Variants in SLC28A1 observed in about 807,000 individuals in gnomAD.
The protein encoded by SLC28A1 is solute carrier family 28 member 1.
A neutral mutation model predicts 74.8 loss-of-function variants in SLC28A1; 64 were observed. The ratio of observed to expected loss-of-function variants is 0.86; its 90% CI spans 0.70 to 1.05. The LOEUF is 1.05. SLC28A1 is among the 50% of genes least tolerant of loss of function. SLC28A1 has a pLI of 0.00. For missense variants in SLC28A1, 828 were observed against 822.8 expected (o/e 1.01, Z -0.08); for synonymous variants, 359 against 335.0 (o/e 1.07, Z -0.78).
At chr15:84,912,105 A>C (rs1968345330) in intron 9 of SLC28A1, among the ~76,000 whole-genome samples, 1 of 152,152 alleles carries the variant, frequency 6.6e-6, no homozygotes, top group Non-Finnish European at 1.5e-5. Context: ...AGGAAAGAGG[A>C]AGGAGGACTA....
intron 15 of SLC28A1, among the ~76,000 whole-genome samples, chr15:84,943,162 G>C (rs977499508): frequency 1.3e-5 from 2 of 152,162 alleles, no homozygotes; most frequent in Admixed American, 6.5e-5. Flanking sequence ...CTCCAGCCTG[G>C]GTGACAAGAG....
intron 13 of SLC28A1, 103 bp from the exon 14 acceptor site, chr15:84,934,923 C>T: frequency 1.0e-6 from 1 of 996,622 alleles, no homozygotes; most frequent in Non-Finnish European, 1.6e-6. Flanking sequence ...GGATTTCCCG[C>T]TCTGAAATGC....
the SLC28A1 span, among the ~76,000 whole-genome samples, chr15:84,968,698 T>C: frequency 3.9e-5 from 6 of 152,250 alleles, no homozygotes; most frequent in African/African-American, 9.6e-5. Flanking sequence ...AATGACCTAA[T>C]TGAGCTGTGG....
chr15:84,966,196 G>A, the SLC28A1 span, among the ~76,000 whole-genome samples: 2 of 152,110 alleles, frequency 1.3e-5, no homozygotes, highest in Admixed American at 6.5e-5. Flanking sequence ...TTCTGCCTCA[G>A]CCTCCTGAGT....
intron 6 of SLC28A1, among the ~76,000 whole-genome samples, chr15:84,902,554 A>T (rs1332489576): frequency 1.3e-5 from 2 of 152,076 alleles, no homozygotes; most frequent in Admixed American, 6.5e-5. Context: ...GAGGGAGGCA[A>T]GGATTACTAA....
At chr15:84,967,915 C>A in the SLC28A1 span, among the ~76,000 whole-genome samples, 1 of 152,218 alleles carries the variant, frequency 6.6e-6, no homozygotes, top group South Asian at 2.1e-4. Flanking sequence ...GCACTAGACG[C>A]ACTTCAGAGG....
the SLC28A1 span, among the ~76,000 whole-genome samples, chr15:84,973,280 C>A: frequency 2.0e-5 from 3 of 152,108 alleles, no homozygotes; most frequent in African/African-American, 7.2e-5. Context: ...CTAGTCCAGG[C>A]GGGATATTTT....
chr15:84,963,177 A>G, the SLC28A1 span, among the ~76,000 whole-genome samples: 1 of 152,152 alleles, frequency 6.6e-6, no homozygotes, highest in African/African-American at 2.4e-5. Context: ...TTGAATTAGA[A>G]AAAATCAAGA....
At chr15:84,892,283 T>A (rs1965451975) in intron 5 of SLC28A1, among the ~76,000 whole-genome samples, 1 of 152,038 alleles carries the variant, frequency 6.6e-6, no homozygotes, top group Non-Finnish European at 1.5e-5. Flanking sequence ...GGAGGGGCAG[T>A]GAGAGAGGCG....
chr15:84,962,344 G>C, the SLC28A1 span, among the ~76,000 whole-genome samples: 1 of 152,108 alleles, frequency 6.6e-6, no homozygotes, highest in African/African-American at 2.4e-5. Flanking sequence ...AAAGTATTAG[G>C]ATTATAGGTG....
chr15:84,943,880 G>A (rs1318312986), intron 16 of SLC28A1, among the ~76,000 whole-genome samples: 1 of 152,010 alleles, frequency 6.6e-6, no homozygotes, highest in Non-Finnish European at 1.5e-5. Context: ...CTCCAGCCTG[G>A]GCTACAGAGC....
At chr15:84,956,126 T>C in the SLC28A1 span, among the ~76,000 whole-genome samples, 1 of 152,232 alleles carries the variant, frequency 6.6e-6, no homozygotes, top group African/African-American at 2.4e-5. Context: ...TACATCCATA[T>C]TTCTAAGTAA....
intron 9 of SLC28A1, among the ~76,000 whole-genome samples, chr15:84,910,693 A>C (rs1227050878): frequency 6.6e-6 from 1 of 152,120 alleles, no homozygotes; most frequent in Non-Finnish European, 1.5e-5. Context: ...ATGCCATTGC[A>C]CTCCAGCCTG....
At chr15:84,952,310 C>T in the SLC28A1 span, among the ~76,000 whole-genome samples, 1 of 152,188 alleles carries the variant, frequency 6.6e-6, no homozygotes, top group Non-Finnish European at 1.5e-5. Context: ...GACATCTTTC[C>T]TATCTTTCCA....
intron 8 of SLC28A1, among the ~76,000 whole-genome samples, chr15:84,907,529 G>A (rs1354677128): frequency 3.3e-5 from 5 of 151,984 alleles, no homozygotes; most frequent in African/African-American, 1.2e-4. Flanking sequence ...TTTTGAGACA[G>A]GATTTCACTT....
intron 12 of SLC28A1, among the ~76,000 whole-genome samples, chr15:84,926,004 A>T (rs1970467454): frequency 6.7e-6 from 1 of 149,866 alleles, no homozygotes; most frequent in South Asian, 2.1e-4. Context: ...AAGGCCTATC[A>T]GTCTATTTAT....
At position 84,909,284 on chromosome 15, in the gene SLC28A1, C is replaced by T. The variant is rs143912138; in HGVS notation, c.795+489C>T. On this transcript the variant is annotated intron_variant, in intron 9 of 18. Transcript: ENST00000394573. ...AAGCCAGCCCTTACTAGTCCCGCTGCAATAGCTCCCTCCTTTGTGACCTCC... is the reference window on the plus strand; with the variant it reads ...AAGCCAGCCCTTACTAGTCCCGCTGTAATAGCTCCCTCCTTTGTGACCTCC... Among the ~76,000 whole-genome samples, 177 of 152,304 alleles carry T rather than the reference C, an allele frequency of 1.2e-3. 3 individuals carry two copies. The East Asian group carries it at 0.024, about 21-fold the overall frequency.
At chr15:84,911,086 G>T (rs747088160) in intron 9 of SLC28A1, among the ~76,000 whole-genome samples, 1 of 152,232 alleles carries the variant, frequency 6.6e-6, no homozygotes, top group Non-Finnish European at 1.5e-5. Flanking sequence ...AGCAGGGGAA[G>T]AGGTGCCCGG....
chr15:84,971,221 G>A, the SLC28A1 span, among the ~76,000 whole-genome samples: 7 of 152,260 alleles, frequency 4.6e-5, no homozygotes, highest in South Asian at 1.2e-3. Flanking sequence ...GAAGAGGATT[G>A]GTTACAAAGC....
Sources: gnomAD v4.1 joint callset for allele counts (sites outside exome capture counted in the v4.1 genomes callset) on GRCh38, gnomAD v4.1.1 for gene constraint, MANE v1.5 for transcripts, NCBI Gene and HGNC (gene_info 2026-07-23, HGNC 2026-07-21) for gene names.